HNRNPM: variants seen among roughly 807,000 people sequenced by gnomAD.
HNRNPM encodes CEA receptor.
Under a neutral mutation model 73.1 loss-of-function variants are expected in HNRNPM, and 11 were observed. That is an observed-to-expected ratio of 0.15 (90% CI 0.09 to 0.25). HNRNPM has a LOEUF of 0.25. HNRNPM is among the 10% of genes least tolerant of loss of function. The pLI is 1.00. For missense variants in HNRNPM, 789 were observed against 1,067.9 expected, an observed-to-expected ratio of 0.74 and a Z score of 3.64; for synonymous variants, 407 against 355.2, an observed-to-expected ratio of 1.15 and a Z score of -1.64.
At chr19:8,465,226 CT>C in intron 5 of HNRNPM, 97 bp from the exon 6 acceptor site, 1 of 971,072 alleles carries the variant, frequency 1.0e-6, no homozygotes, top group African/African-American at 1.7e-5. Context: ...TCCAAACAAC[CT>C]TTCAGTTTCT....
Position 8,485,762 on chromosome 19 carries a change from G to A in HNRNPM, c.1334G>A (p.Gly445Asp). Residue 445 changes from glycine to aspartate, a missense_variant, in exon 14 of 16, where the codon GGC becomes GAC. Coordinates refer to ENST00000325495, the MANE Select transcript of HNRNPM (RefSeq NM_005968.5). The part of the protein sequence containing the change: ...ERMGLVMDRM[G>D]SVERMGSGIE... ...ATGGGCCTGGTCATGGACCGCATGG[G>A]CTCCGTGGAGCGCATGGGCTCCGGC... 1 of 1,604,162 alleles carries A rather than the reference G, an allele frequency of 6.2e-7. No homozygotes were observed.
At chr19:8,445,695 T>TGCCTCCCTCGGAACC (rs1968115203) in intron 1 of HNRNPM, 1 of 152,384 alleles carries the variant, frequency 6.6e-6, no homozygotes, top group Non-Finnish European at 1.5e-5. Flanking sequence ...CCGCGGGAAG[T>TGCCTCCCTCGGAACC]GCCTCCCTCG....
intron 1 of HNRNPM, among the ~76,000 whole-genome samples, chr19:8,451,461 G>GT (rs1281340837): frequency 6.6e-6 from 1 of 151,222 alleles, no homozygotes; most frequent in African/African-American, 2.5e-5. Flanking sequence ...GATTGGACAT[G>GT]TTAAAAAAAG....
intron 1 of HNRNPM, among the ~76,000 whole-genome samples, chr19:8,449,887 G>A (rs1256238490): frequency 1.3e-5 from 2 of 152,164 alleles, no homozygotes; most frequent in African/African-American, 2.4e-5. Context: ...CCATAGGACC[G>A]AGGCCTAGTG....
rs765695973 is a variant in HNRNPM at position 8,483,230 on chromosome 19, G to C, written c.1174+19G>C. 6.2e-7 allele frequency: 1 copy of C among 1,601,458 alleles called. No homozygotes were observed. The highest frequency in any genetic ancestry group is 2.2e-5 in the East Asian group (1 of 44,800). On this transcript the variant is annotated intron_variant, in intron 13 of 15. Transcript: ENST00000325495. The stretch of plus-strand genomic sequence containing the variant: ...GGAGGAGGTAGGAACCGCTTAGTTT[G>C]ATGTTTTGTTTTTTTAGAACAGGCT...
intron 2 of HNRNPM, among the ~76,000 whole-genome samples, chr19:8,457,749 C>T (rs1257179239): frequency 2.6e-5 from 4 of 152,116 alleles, no homozygotes; most frequent in African/African-American, 7.2e-5. Context: ...TTTTTATTCC[C>T]GTTTTGGTGT....
intron 12 of HNRNPM, chr19:8,482,414 CTATGA>C (rs1282684933): frequency 6.6e-6 from 1 of 152,232 alleles, no homozygotes; most frequent in Non-Finnish European, 1.5e-5. Flanking sequence ...AAAGGTAATG[CTATGA>C]TAGCATCAGA....
In HNRNPM at chr19:8,445,030, T is replaced by C. The variant is rs1054252451; in HGVS notation, c.32T>C (p.Val11Ala). Residue 11 changes from valine to alanine, a missense_variant, in exon 1 of 16, where the codon GTG becomes GCG. Around this residue, in one of 4 missense-constraint regions of HNRNPM, gnomAD observed 79 missense variants for 70.7 expected, o/e 1.12. Coordinates refer to ENST00000325495, the MANE Select transcript of HNRNPM (RefSeq NM_005968.5). Reference protein sequence around the residue: MAAGVEAAAEVAATEIKMEEE... With the variant: MAAGVEAAAEAAATEIKMEEE... The stretch of plus-strand genomic sequence containing the variant: ...GCAGGGGTCGAAGCGGCGGCGGAGG[T>C]GGCGGCGACGGAGATCAAAATGGAG... The C allele has an allele frequency of 7.8e-6, 11 of 1,411,014 alleles. No homozygotes were observed. The highest frequency in any genetic ancestry group is 2.9e-5 in the East Asian group (1 of 34,460). 87.4% of individuals were successfully genotyped at this position (1,411,014 alleles called of 1,614,324 possible).
Position 8,458,213 on chromosome 19 carries a change from C to T in HNRNPM, c.283+2639C>T, listed in dbSNP as rs192025983. Among the ~76,000 whole-genome samples, 10 of 152,260 alleles carry T rather than the reference C, an allele frequency of 6.6e-5. No homozygotes were observed. In the East Asian group the frequency reaches 1.7e-3, roughly 26 times the overall value. Reference sequence around the variant, plus strand: ...ATCTTTCATACCAGCTGCATATTCTCCAGCTTTAATTTTAGCATTTAGCAG... The same window carrying T: ...ATCTTTCATACCAGCTGCATATTCTTCAGCTTTAATTTTAGCATTTAGCAG... On this transcript the variant is annotated intron_variant, in intron 2 of 15. Coordinates refer to ENST00000325495, the MANE Select transcript of HNRNPM (RefSeq NM_005968.5).
At position 8,455,921 on chromosome 19, in the gene HNRNPM, G is replaced by A. The variant is rs180726935; in HGVS notation, c.283+347G>A. 2.4e-3 allele frequency among the ~76,000 whole-genome samples: 359 copies of A among 146,544 alleles called. 1 individual carries two copies. Among genetic ancestry groups the A allele is most frequent in the Admixed American group, 4.7e-3 (66 of 14,042 alleles). On this transcript the variant is annotated intron_variant, in intron 2 of 15. Transcript: ENST00000325495. The stretch of plus-strand genomic sequence containing the variant: ...ATTTTTTGAATTTTGCACGTTAGGT[G>A]GGAGAGATTTTTCCTTTCTTTCCTT...
Position 8,485,938 on chromosome 19 carries a change from G to A in HNRNPM, c.1510G>A (p.Val504Met). Residue 504 changes from valine to methionine, a missense_variant, in exon 14 of 16, where the codon GTG (valine) becomes ATG (methionine). By Grantham distance (21) the Val-to-Met change is conservative. This residue lies in a region of HNRNPM where 604 missense variants were observed against 744.0 expected (regional missense o/e 0.81). Coordinates refer to ENST00000325495, the MANE Select transcript of HNRNPM (RefSeq NM_005968.5). ...GCGCATGGCCGCTCCCATCGACCGT[G>A]TGGGCCAGACCATTGAGCGCATGGG... ...LERMAAPIDR[V>M]GQTIERMGSG... 1.9e-6 allele frequency: 3 copies of A among 1,605,678 alleles called. No individual in the cohort carries two copies. Among genetic ancestry groups the A allele is most frequent in the Non-Finnish European group, 2.5e-6 (3 of 1,179,252 alleles).
At position 8,455,688 on chromosome 19, in the gene HNRNPM, T is replaced by C. The variant is rs1213064956; in HGVS notation, c.283+114T>C. On this transcript the variant is annotated intron_variant, in intron 2 of 15. Coordinates refer to ENST00000325495, the MANE Select transcript of HNRNPM (RefSeq NM_005968.5). ...GCGGCTCTGGGTAGAGCATGTTCTTTCCAGGCTTAAGAGTGAAGCCCCCTT... is the reference window on the plus strand; with the variant it reads ...GCGGCTCTGGGTAGAGCATGTTCTTCCCAGGCTTAAGAGTGAAGCCCCCTT... 5 of 754,926 alleles carry C rather than the reference T, an allele frequency of 6.6e-6. No individual in the cohort carries two copies. In the East Asian group the frequency reaches 7.9e-5, roughly 12 times the overall value. 46.8% of individuals were successfully genotyped at this position (754,926 alleles called of 1,614,324 possible).
Position 8,485,704 on chromosome 19 carries a change from G to C in HNRNPM, c.1276G>C (p.Gly426Arg), listed in dbSNP as rs1286159013. The change falls in exon 14 of 16, where the codon GGC becomes CGC. Residue 426 changes from glycine to arginine, a missense_variant. Around this residue, in one of 4 missense-constraint regions of HNRNPM, gnomAD observed 604 missense variants for 744.0 expected, o/e 0.81. Transcript: ENST00000325495. ...MERMGAGLGH[G>R]MDRVGSEIER... Reference sequence around the variant, plus strand: ...GCGCATGGGCGCGGGCCTGGGCCACGGCATGGATCGCGTGGGCTCCGAGAT... The same window carrying C: ...GCGCATGGGCGCGGGCCTGGGCCACCGCATGGATCGCGTGGGCTCCGAGAT... The C allele has an allele frequency of 6.2e-7, 1 of 1,606,860 alleles. No individual in the cohort carries two copies.
chr19:8,468,760 T>A lies in HNRNPM; in HGVS notation c.835-14T>A, dbSNP rs1308609337. The stretch of plus-strand genomic sequence containing the variant: ...ACTGGATACTGAGATTTGTTTGTTT[T>A]CTTTCTCTTTCAGGATGAGAGGGCC... On this transcript the variant is annotated splice_polypyrimidine_tract_variant and intron_variant, in intron 8 of 15. Transcript: ENST00000325495. 4.3e-6 allele frequency: 7 copies of A among 1,610,768 alleles called. No individual in the cohort carries two copies. The highest frequency in any genetic ancestry group is 2.7e-5 in the African/African-American group (2 of 74,870).
At chr19:8,477,888 T>G (rs1970629943) in intron 12 of HNRNPM, among the ~76,000 whole-genome samples, 1 of 152,140 alleles carries the variant, frequency 6.6e-6, no homozygotes, top group Non-Finnish European at 1.5e-5. Flanking sequence ...TTGCCTCACC[T>G]CTCACCAGCA....
chr19:8,484,173 CTTT>C (rs33931165), intron 13 of HNRNPM, among the ~76,000 whole-genome samples: 20 of 110,156 alleles, frequency 1.8e-4, no homozygotes, highest in Admixed American at 3.1e-4. Flanking sequence ...CCTCCCATTT[CTTT>C]TTTTTTTTTT....
chr19:8,470,362 C>G (rs760471461), intron 9 of HNRNPM, among the ~76,000 whole-genome samples: 5 of 152,186 alleles, frequency 3.3e-5, no homozygotes, highest in Non-Finnish European at 5.9e-5. Flanking sequence ...GAGTCTCGCT[C>G]TGTCGCCCAG....
intron 14 of HNRNPM, among the ~76,000 whole-genome samples, chr19:8,486,803 G>A (rs760425890): frequency 2.6e-5 from 4 of 152,210 alleles, no homozygotes; most frequent in Non-Finnish European, 4.4e-5. Flanking sequence ...CATCCTGCAC[G>A]GTGCTCCCAC....
intron 1 of HNRNPM, among the ~76,000 whole-genome samples, chr19:8,454,080 A>G (rs1968818728): frequency 6.6e-6 from 1 of 151,930 alleles, no homozygotes; most frequent in African/African-American, 2.4e-5. Context: ...ACCTTTCTGG[A>G]TTTTTAAAAA....
Sources: gnomAD v4.1 joint callset for allele counts (sites outside exome capture counted in the v4.1 genomes callset) on GRCh38, gnomAD v4.1.1 for gene constraint, gnomAD v4.1.1 regional missense constraint, MANE v1.5 for transcripts, NCBI Gene and HGNC (gene_info 2026-07-23, HGNC 2026-07-21) for gene names.